The following SATB2 variants were observed in gnomAD, a reference collection of about 807,000 sequenced individuals.
The protein encoded by SATB2 is SATB homeobox 2, also known as DNA-binding protein SATB2.
A neutral mutation model predicts 73.4 loss-of-function variants in SATB2; 1 was observed. The ratio of observed to expected loss-of-function variants is 0.01; its 90% CI spans 0.00 to 0.06. The LOEUF is 0.06. Ranked by LOEUF, SATB2 falls within the 10% of genes least tolerant of loss-of-function variation. SATB2 has a pLI of 1.00. For synonymous variants in SATB2, 397 were observed against 367.0 expected (o/e 1.08, Z -0.93); for missense variants, 459 against 945.8 (o/e 0.49, Z 6.75).
At chr2:199,322,460 C>T (rs1687917680) in intron 9 of SATB2, among the ~76,000 whole-genome samples, 1 of 152,130 alleles carries the variant, frequency 6.6e-6, no homozygotes, top group Non-Finnish European at 1.5e-5. Flanking sequence ...TAAGAAGGCT[C>T]TATGGTATTT....
intron 3 of SATB2, among the ~76,000 whole-genome samples, chr2:199,405,641 A>C (rs2105897174): frequency 6.6e-6 from 1 of 152,322 alleles, no homozygotes; most frequent in Admixed American, 6.5e-5. Context: ...GGAAAAGGAA[A>C]GCAGTTTCCT....
intron 9 of SATB2, among the ~76,000 whole-genome samples, chr2:199,311,602 C>A (rs1687597146): frequency 6.6e-6 from 1 of 152,158 alleles, no homozygotes; most frequent in Non-Finnish European, 1.5e-5. Flanking sequence ...TTCCCTCCTA[C>A]GGGCGCTCCT....
intron 1 of SATB2, among the ~76,000 whole-genome samples, chr2:199,456,971 G>C (rs1407022477): frequency 7.0e-6 from 1 of 142,208 alleles, no homozygotes; most frequent in Non-Finnish European, 1.6e-5. Context: ...CTGGATTGGG[G>C]GGGTGGGGGG....
intron 10 of SATB2, among the ~76,000 whole-genome samples, chr2:199,282,036 C>T (rs903998204): frequency 7.9e-5 from 12 of 152,068 alleles, no homozygotes; most frequent in African/African-American, 2.9e-4. Context: ...TGCCCACCGC[C>T]ACACCCAGCT....
At position 199,449,131 on chromosome 2, in the gene SATB2, T is replaced by C. The variant is rs367585310; in HGVS notation, c.169+6738A>G. Among the ~76,000 whole-genome samples, 177 of 152,258 alleles carry C rather than the reference T, an allele frequency of 1.2e-3. 1 individual carries two copies. The highest frequency in any genetic ancestry group is 4.1e-3 in the African/African-American group (169 of 41,554). ...AACTAATAACCATAACATCCACTTGTTTAAGTTAAAGGACATCAATTAAAA... is the reference window on the plus strand; with the variant it reads ...AACTAATAACCATAACATCCACTTGCTTAAGTTAAAGGACATCAATTAAAA... On this transcript the variant is annotated intron_variant, in intron 2 of 10. Coordinates refer to ENST00000417098, the MANE Select transcript of SATB2 (RefSeq NM_001172509.2).
Position 199,271,642 on chromosome 2 carries a change from T to C in SATB2, c.*569A>G, listed in dbSNP as rs1033130436. ...CCCCACCCTGAGAGCAGGCCGCAGT[T>C]TATCAAAAAGCCAAAGCGACTCACT... On this transcript the variant is annotated 3_prime_UTR_variant, in exon 11 of 11. Coordinates refer to ENST00000417098, the MANE Select transcript of SATB2 (RefSeq NM_001172509.2). 9 of 152,746 alleles carry C rather than the reference T, an allele frequency of 5.9e-5. No individual in the cohort carries two copies. The highest frequency in any genetic ancestry group is 2.2e-4 in the African/African-American group (9 of 41,376). 9.5% of individuals were successfully genotyped at this position (152,746 alleles called of 1,614,324 possible). A position where few individuals can be genotyped will look rare whatever the true frequency, so the allele number is the denominator to read the frequency against.
intron 2 of SATB2, among the ~76,000 whole-genome samples, chr2:199,453,404 T>C (rs1459021823): frequency 3.3e-5 from 5 of 152,034 alleles, no homozygotes; most frequent in Non-Finnish European, 5.9e-5. Context: ...CGGTAATAAA[T>C]GATACAGAGC....
intron 3 of SATB2, among the ~76,000 whole-genome samples, chr2:199,423,512 T>C (rs1050000681): frequency 6.6e-6 from 1 of 152,020 alleles, no homozygotes; most frequent in African/African-American, 2.4e-5. Flanking sequence ...GAAAGATATA[T>C]CAGAAGTGCA....
At chr2:199,397,957 G>T in intron 3 of SATB2, 1 of 215,276 alleles carries the variant, frequency 4.6e-6, no homozygotes, top group Non-Finnish European at 9.8e-6. Flanking sequence ...AAGTGAAATG[G>T]TTCCACCTTA....
chr2:199,355,290 G>A (rs1688938145), intron 6 of SATB2, among the ~76,000 whole-genome samples: 1 of 147,540 alleles, frequency 6.8e-6, no homozygotes, highest in Non-Finnish European at 1.5e-5. Flanking sequence ...GTATATATGT[G>A]TATATATACA....
At position 199,411,669 on chromosome 2, in the gene SATB2, C is replaced by T. The variant is rs1165631204; in HGVS notation, c.346+21669G>A. ...TGTGACTCCAAAGCTAGTGCTTTCA[C>T]CACTATAATGGTTATAGTGCAGTCT... On this transcript the variant is annotated intron_variant, in intron 3 of 10. Transcript: ENST00000417098. Among the ~76,000 whole-genome samples the T allele has an allele frequency of 2.0e-5, 3 of 152,184 alleles. No individual in the cohort carries two copies. In the East Asian group the frequency reaches 5.8e-4, roughly 29 times the overall value.
At chr2:199,306,316 T>C (rs1687430943) in intron 10 of SATB2, among the ~76,000 whole-genome samples, 1 of 152,146 alleles carries the variant, frequency 6.6e-6, no homozygotes, top group Non-Finnish European at 1.5e-5. Flanking sequence ...AGACATAAAT[T>C]CAACGTTGCA....
At chr2:199,282,167 C>A (rs1296194041) in intron 10 of SATB2, among the ~76,000 whole-genome samples, 1 of 152,190 alleles carries the variant, frequency 6.6e-6, no homozygotes, top group Admixed American at 6.5e-5. Context: ...AGGCGTAAAC[C>A]ACTGCGCCCG....
chr2:199,328,957 T>TA lies in SATB2; in HGVS notation c.1174-48dup, dbSNP rs1263796750. Reference sequence around the variant, plus strand: ...ACAGACCAAGTCACATTTGCAGGTATATGTGTGTGGTTTCTGTCTTCCACC... The same window carrying TA: ...ACAGACCAAGTCACATTTGCAGGTATAATGTGTGTGGTTTCTGTCTTCCACC... On this transcript the variant is annotated intron_variant, in intron 7 of 10. Coordinates refer to ENST00000417098, the MANE Select transcript of SATB2 (RefSeq NM_001172509.2). 2.7e-6 allele frequency: 4 copies of TA among 1,468,432 alleles called. No homozygotes were observed. In the African/African-American group the frequency reaches 5.5e-5, roughly 20 times the overall value. 91.0% of individuals were successfully genotyped at this position (1,468,432 alleles called of 1,614,324 possible).
At chr2:199,417,401 A>T (rs1219918479) in intron 3 of SATB2, among the ~76,000 whole-genome samples, 4 of 152,182 alleles carry the variant, frequency 2.6e-5, no homozygotes, top group African/African-American at 9.7e-5. Flanking sequence ...ATGTGCTTTG[A>T]GGCAGTTCCA....
chr2:199,430,518 T>C (rs1345462883), intron 3 of SATB2, among the ~76,000 whole-genome samples: 4 of 152,200 alleles, frequency 2.6e-5, no homozygotes, highest in Non-Finnish European at 4.4e-5. Flanking sequence ...AGGTTATGGG[T>C]CAGCTAGAAA....
intron 1 of SATB2, among the ~76,000 whole-genome samples, chr2:199,456,727 C>T (rs1574646372): frequency 6.6e-6 from 1 of 152,276 alleles, no homozygotes; most frequent in East Asian, 1.9e-4. Context: ...GAATAACCTC[C>T]ATCACAAAGG....
chr2:199,427,926 G>GATA (rs571396277), intron 3 of SATB2, among the ~76,000 whole-genome samples: 1 of 152,032 alleles, frequency 6.6e-6, no homozygotes, highest in Admixed American at 6.6e-5. Context: ...ATAATAAAGT[G>GATA]ATAATAATAA....
intron 3 of SATB2, among the ~76,000 whole-genome samples, chr2:199,385,475 T>A (rs977743670): frequency 6.6e-6 from 1 of 152,036 alleles, no homozygotes; most frequent in African/African-American, 2.4e-5. Flanking sequence ...ACTATGACAA[T>A]CTCTCTGTTC....
Sources: allele counts gnomAD v4.1 joint callset (sites outside exome capture counted in the v4.1 genomes callset), GRCh38; gene constraint gnomAD v4.1.1; transcripts MANE v1.5; gene names NCBI Gene and HGNC (gene_info 2026-07-23, HGNC 2026-07-21).